The following ETV3 variants were observed in gnomAD, a reference collection of about 807,000 sequenced individuals.
The protein encoded by ETV3 is ETS translocation variant 3.
Under a neutral mutation model 33.0 loss-of-function variants are expected in ETV3, and 8 were observed. That is an observed-to-expected ratio of 0.24 (90% CI 0.14 to 0.44). The LOEUF (loss-of-function observed/expected upper bound fraction) is 0.44. Ranked by LOEUF, ETV3 falls within the 20% of genes least tolerant of loss-of-function variation. The pLI is 1.00. For missense variants in ETV3, 473 were observed against 652.3 expected (o/e 0.73, Z 2.99); for synonymous variants, 222 against 238.9 (o/e 0.93, Z 0.65).
rs1263501693 is a variant in ETV3, at chr1:157,124,994, A to C, written c.1386T>G (p.Pro462=). Residue 462 remains proline, a synonymous_variant, in exon 5 of 5, where the codon CCT becomes CCG. Coordinates refer to ENST00000368192, the MANE Select transcript of ETV3 (RefSeq NM_001145312.3). ...GCATCAGTGCATCTTCTTTCTTCTC[A>C]GGTGCACTGGGCTCTTTGCCAGGCC... ...EDRPGKEPSA[P]EKKEDALMPP... is the part of the protein sequence containing the mutation. The C allele has an allele frequency of 4.5e-6, 7 of 1,551,654 alleles. No individual in the cohort carries two copies. The Admixed American group carries it at 7.8e-5, about 17-fold the overall frequency.
chr1:157,129,646 C>T (rs1674924137), intron 4 of ETV3, among the ~76,000 whole-genome samples: 1 of 152,138 alleles, frequency 6.6e-6, no homozygotes, highest in South Asian at 2.1e-4. Context: ...GGGTCCCAGG[C>T]CAAATGTATT....
In ETV3 at chr1:157,124,934, A is replaced by T. The variant is rs1400244304; in HGVS notation, c.1446T>A (p.Asp482Glu). ...TGCTCAGCTCTCGGGCTTCAGGGTC[A>T]TCATTCCAGCGCCGCTTCAACCGAA... is the stretch of plus-strand genomic sequence containing the variant. ...PKLRLKRRWN[D>E]DPEARELSKS... is the part of the protein sequence containing the mutation. The change falls in exon 5 of 5, where the codon GAT becomes GAA. Residue 482 changes from aspartate (D) to glutamate (E), a missense_variant. Physicochemically the swap from Asp to Glu is conservative, Grantham distance 45 (BLOSUM62 2). Around this residue, in one of 3 missense-constraint regions of ETV3, gnomAD observed 410 missense variants for 520.2 expected, o/e 0.79. Transcript: ENST00000368192. The T allele has an allele frequency of 3.9e-6, 6 of 1,551,680 alleles. No homozygotes were observed. Among genetic ancestry groups the T allele is most frequent in the Non-Finnish European group, 5.2e-6 (6 of 1,147,026 alleles).
intron 4 of ETV3, chr1:157,133,719 A>T: frequency 1.0e-6 from 1 of 1,001,952 alleles, no homozygotes; most frequent in Non-Finnish European, 1.2e-6. Context: ...TGGTAGTTTC[A>T]CAGAAAATCG....
intron 4 of ETV3, among the ~76,000 whole-genome samples, chr1:157,131,965 C>T (rs1433806768): frequency 6.6e-6 from 1 of 152,196 alleles, no homozygotes; most frequent in East Asian, 1.9e-4. Flanking sequence ...CACAGTTTTG[C>T]TTTCCTTGTG....
chr1:157,124,752 A>AC lies in ETV3; in HGVS notation c.*88dup. ...CCCCTAGAATGATCAAACCAGTTTA[A>AC]CTCCCTCCCCCCCACCCTGAAATCT... is the stretch of plus-strand genomic sequence containing the variant. On this transcript the variant is annotated 3_prime_UTR_variant, in exon 5 of 5. Transcript: ENST00000368192. 4.3e-6 allele frequency: 2 copies of AC among 467,808 alleles called. No homozygotes were observed. Among genetic ancestry groups the AC allele is most frequent in the Non-Finnish European group, 4.0e-6 (1 of 251,076 alleles). 29.0% of individuals were successfully genotyped at this position (467,808 alleles called of 1,614,324 possible). A position where few individuals can be genotyped will look rare whatever the true frequency, so the allele number is the denominator to read the frequency against.
intron 4 of ETV3, among the ~76,000 whole-genome samples, chr1:157,132,100 C>T (rs1674980634): frequency 1.3e-5 from 2 of 152,190 alleles, no homozygotes; most frequent in Non-Finnish European, 2.9e-5. Flanking sequence ...GTAGCTAGGA[C>T]TACAGGTGAC....
At chr1:157,132,553 C>A (rs1286717221) in intron 4 of ETV3, among the ~76,000 whole-genome samples, 1 of 152,078 alleles carries the variant, frequency 6.6e-6, no homozygotes, top group African/African-American at 2.4e-5. Context: ...GGTATGAAAA[C>A]CAACAAATTC....
intron 4 of ETV3, among the ~76,000 whole-genome samples, chr1:157,131,242 T>G (rs2103203524): frequency 6.6e-6 from 1 of 152,340 alleles, no homozygotes. Flanking sequence ...ATCCTGACAG[T>G]ATCTTCTGTA....
rs1001599677 is a variant in ETV3, at chr1:157,124,765, C to T, written c.*76G>A. The T allele has an allele frequency of 7.4e-5, 30 of 407,912 alleles. 8 individuals carry two copies. Among genetic ancestry groups the T allele is most frequent in the Middle Eastern group, 4.0e-4 (1 of 2,506 alleles). The allele number at this position is 407,912 out of a possible 1,614,324, so 25.3% of individuals were successfully genotyped here. Reference sequence around the variant, plus strand: ...CAAACCAGTTTAACTCCCTCCCCCCCACCCTGAAATCTTGCTACATAAATA... The same window carrying T: ...CAAACCAGTTTAACTCCCTCCCCCCTACCCTGAAATCTTGCTACATAAATA... On this transcript the variant is annotated 3_prime_UTR_variant, in exon 5 of 5. Coordinates refer to ENST00000368192, the MANE Select transcript of ETV3 (RefSeq NM_001145312.3).
At position 157,136,223 on chromosome 1, in the gene ETV3, T is replaced by C. The variant is rs990123911; in HGVS notation, c.46+84A>G. 6.8e-6 allele frequency: 9 copies of C among 1,323,990 alleles called. No homozygotes were observed. The African/African-American group carries it at 1.2e-4, about 17-fold the overall frequency. The allele number at this position is 1,323,990 out of a possible 1,614,324, so 82.0% of individuals were successfully genotyped here. ...AGAGAGTGTCAGTCATGGTCTGACA[T>C]TTGTGAACAGAGCTCAAGTGGAGAG... On this transcript the variant is annotated intron_variant, in intron 2 of 4. Transcript: ENST00000368192.
chr1:157,125,642 G>A lies in ETV3; in HGVS notation c.738C>T (p.Pro246=). The change falls in exon 5 of 5, where the codon CCC becomes CCT. Residue 246 remains proline, a synonymous_variant. Coordinates refer to ENST00000368192, the MANE Select transcript of ETV3 (RefSeq NM_001145312.3). This position sits in a 1 kb window ranked among gnomAD's most constrained non-coding sequence, Gnocchi z 4.0. ...GGCCAGGGATTGGAGAGACAGCGAAGGGACTGTGGGGGTCAGGGTACATCC... is the reference window on the plus strand; with the variant it reads ...GGCCAGGGATTGGAGAGACAGCGAAAGGACTGTGGGGGTCAGGGTACATCC... ...RPGMYPDPHS[P]FAVSPIPGRG... 1 of 1,551,694 alleles carries A rather than the reference G, an allele frequency of 6.4e-7. No homozygotes were observed. Among genetic ancestry groups the A allele is most frequent in the South Asian group, 1.2e-5 (1 of 84,060 alleles).
At chr1:157,126,604 A>G (rs1009785650) in intron 4 of ETV3, among the ~76,000 whole-genome samples, 1 of 152,252 alleles carries the variant, frequency 6.6e-6, no homozygotes, top group Non-Finnish European at 1.5e-5. Context: ...GACTACCCAC[A>G]TGCTATCCCA....
At chr1:157,134,851 T>C (rs1675057527) in intron 3 of ETV3, among the ~76,000 whole-genome samples, 1 of 152,200 alleles carries the variant, frequency 6.6e-6, no homozygotes. Flanking sequence ...GAACCTTTAG[T>C]CTTACATCTA....
Position 157,125,695 on chromosome 1 carries a change from T to C in ETV3, c.685A>G (p.Ile229Val). The C allele has an allele frequency of 1.4e-5, 21 of 1,551,684 alleles. No homozygotes were observed. The highest frequency in any genetic ancestry group is 1.8e-5 in the Non-Finnish European group (21 of 1,147,000). The change falls in exon 5 of 5, where the codon ATA becomes GTA. Residue 229 changes from isoleucine (I) to valine (V), a missense_variant. This residue lies in a region of ETV3 where 410 missense variants were observed against 520.2 expected (regional missense o/e 0.79). Transcript: ENST00000368192. The surrounding 1 kb of genome is among the most constrained non-coding windows in gnomAD (Gnocchi z 4.0). ...GIGHQKRKPDIMLPLFARPGM... is the reference protein window; with the variant it reads ...GIGHQKRKPDVMLPLFARPGM... Reference sequence around the variant, plus strand: ...GGCCTAGCAAACAGAGGAAGCATTATGTCAGGCTTGCGTTTCTGATGGCCA... The same window carrying C: ...GGCCTAGCAAACAGAGGAAGCATTACGTCAGGCTTGCGTTTCTGATGGCCA...
chr1:157,132,947 T>A (rs1159013467), intron 4 of ETV3, among the ~76,000 whole-genome samples: 1 of 152,240 alleles, frequency 6.6e-6, no homozygotes, highest in Non-Finnish European at 1.5e-5. Flanking sequence ...CCAGCTTTTC[T>A]GAGAAGTTGT....
In ETV3 at chr1:157,124,143, T is replaced by C. The variant is rs1421193994; in HGVS notation, c.*698A>G. On this transcript the variant is annotated 3_prime_UTR_variant, in exon 5 of 5. Transcript: ENST00000368192. ...TGAGAGGTCGCCAGCTCCTGTGCCT[T>C]CCCAGCCCCACTATAATTGGCAGTA... 2.7e-5 allele frequency: 4 copies of C among 148,432 alleles called. No individual in the cohort carries two copies. The highest frequency in any genetic ancestry group is 5.9e-5 in the Non-Finnish European group (4 of 67,770). The allele number at this position is 148,432 out of a possible 1,614,324, so 9.2% of individuals were successfully genotyped here.
chr1:157,124,191 A>G lies in ETV3; in HGVS notation c.*650T>C, dbSNP rs1448781647. On this transcript the variant is annotated 3_prime_UTR_variant, in exon 5 of 5. Coordinates refer to ENST00000368192, the MANE Select transcript of ETV3 (RefSeq NM_001145312.3). ...GTATGTTTGTTCATGTTTCCTGAAAACATTTTCTTTAAAAAGGAAAAGAAA... is the reference window on the plus strand; with the variant it reads ...GTATGTTTGTTCATGTTTCCTGAAAGCATTTTCTTTAAAAAGGAAAAGAAA... 2 of 150,866 alleles carry G rather than the reference A, an allele frequency of 1.3e-5. No individual in the cohort carries two copies. Among genetic ancestry groups the G allele is most frequent in the African/African-American group, 4.9e-5 (2 of 40,928 alleles). 9.3% of individuals were successfully genotyped at this position (150,866 alleles called of 1,614,324 possible).
rs565470316 is a variant in ETV3 at position 157,133,832 on chromosome 1, AT to A, written c.400+279del. On this transcript the variant is annotated intron_variant, in intron 4 of 4. Coordinates refer to ENST00000368192, the MANE Select transcript of ETV3 (RefSeq NM_001145312.3). Reference sequence around the variant, plus strand: ...GATCATCACAAACCTATGAAACATCATTCCCAAACAAGATAGCGTAATAGTA... The same window carrying A: ...GATCATCACAAACCTATGAAACATCATCCCAAACAAGATAGCGTAATAGTA... The A allele has an allele frequency of 4.6e-4, 542 of 1,189,934 alleles. 3 individuals are homozygous for A. In the African/African-American group the frequency reaches 7.7e-3, roughly 17 times the overall value. The allele number at this position is 1,189,934 out of a possible 1,614,324, so 73.7% of individuals were successfully genotyped here.
intron 4 of ETV3, among the ~76,000 whole-genome samples, chr1:157,126,447 T>C (rs138029934): frequency 3.8e-4 from 58 of 152,314 alleles, no homozygotes; most frequent in Admixed American, 8.5e-4. Context: ...ATTTCCATAA[T>C]TTTGGCCATA....
Sources: allele counts gnomAD v4.1 joint callset (sites outside exome capture counted in the v4.1 genomes callset), GRCh38; gene constraint gnomAD v4.1.1; regional missense constraint gnomAD v4.1.1; non-coding constraint Gnocchi (gnomAD v3.1); transcripts MANE v1.5; gene names NCBI Gene and HGNC (gene_info 2026-07-23, HGNC 2026-07-21).